Variants in METTL8 observed in about 807,000 individuals in gnomAD.
METTL8 encodes tRNA N(3)-cytidine methyltransferase METTL8, mitochondrial.
In METTL8, 32 loss-of-function variants were observed where a neutral mutation model predicts 48.7. The observed-to-expected ratio is 0.66, with a 90% CI of 0.50 to 0.88. The LOEUF is 0.88. Ranked by LOEUF, METTL8 falls within the 40% of genes least tolerant of loss-of-function variation. The pLI is 0.00. For missense variants in METTL8, 464 were observed against 474.4 expected (o/e 0.98, Z 0.20); for synonymous variants, 136 against 157.1 (o/e 0.87, Z 1.01).
At chr2:171,398,961 G>C (rs728651) in intron 1 of METTL8, among the ~76,000 whole-genome samples, 4,785 of 152,258 alleles carry the variant, frequency 0.031, 81 homozygotes, top group East Asian at 0.05. Flanking sequence ...CTGATAAGGT[G>C]TTTCAGTTTT....
intron 1 of METTL8, among the ~76,000 whole-genome samples, chr2:171,392,853 T>C (rs2105566042): frequency 6.6e-6 from 1 of 152,094 alleles, no homozygotes; most frequent in Non-Finnish European, 1.5e-5. Context: ...TCCCAGCACT[T>C]TGGCAGGCCG....
chr2:171,346,211 T>C (rs745868757), intron 3 of METTL8, among the ~76,000 whole-genome samples: 11 of 152,062 alleles, frequency 7.2e-5, no homozygotes, highest in Non-Finnish European at 1.6e-4. Flanking sequence ...AAATTTTTTG[T>C]AGAGATGGGG....
chr2:171,353,920 C>T (rs1684237351), intron 3 of METTL8, among the ~76,000 whole-genome samples: 1 of 152,138 alleles, frequency 6.6e-6, no homozygotes, highest in Non-Finnish European at 1.5e-5. Flanking sequence ...TCCAATTTGC[C>T]AGTCTGTGTC....
chr2:171,338,735 G>A (rs113869235), intron 4 of METTL8, among the ~76,000 whole-genome samples: 1,696 of 151,868 alleles, frequency 0.011, 12 homozygotes, highest in Non-Finnish European at 0.017. Flanking sequence ...CTCCTTGTTA[G>A]CAAATTTTCT....
intron 2 of METTL8, among the ~76,000 whole-genome samples, chr2:171,384,148 C>G (rs1275714869): frequency 6.6e-6 from 1 of 152,204 alleles, no homozygotes; most frequent in Non-Finnish European, 1.5e-5. Flanking sequence ...GTATATGACC[C>G]TCCAAGACAT....
chr2:171,404,622 C>CCATG (rs1690000239), intron 1 of METTL8, among the ~76,000 whole-genome samples: 1 of 151,932 alleles, frequency 6.6e-6, no homozygotes, highest in Admixed American at 6.6e-5. Flanking sequence ...GGTAAATGAA[C>CCATG]CATGGAAAGT....
At chr2:171,360,553 TGAA>T in intron 2 of METTL8, 40 bp from the exon 3 acceptor site, 2 of 1,561,360 alleles carry the variant, frequency 1.3e-6, no homozygotes, top group Non-Finnish European at 1.7e-6. Flanking sequence ...GCTTTATCAT[TGAA>T]GAAGGCAGAA....
At chr2:171,434,071 C>G, upstream of METTL8, 1 of 304,472 alleles carries the variant, frequency 3.3e-6, no homozygotes, top group Non-Finnish European at 6.4e-6. Context: ...ACCGCGCCCC[C>G]AGGGCTCTGC....
chr2:171,356,747 T>TA (rs1360519334), intron 3 of METTL8, among the ~76,000 whole-genome samples: 1 of 152,154 alleles, frequency 6.6e-6, no homozygotes, highest in East Asian at 1.9e-4. Flanking sequence ...ATTCTTTTTT[T>TA]ATGGCAGAAT....
chr2:171,383,851 T>C (rs1387907840), intron 2 of METTL8, among the ~76,000 whole-genome samples: 1 of 152,222 alleles, frequency 6.6e-6, no homozygotes, highest in Non-Finnish European at 1.5e-5. Context: ...TGTAAAATGG[T>C]TCAGTCACTG....
At chr2:171,347,341 C>T (rs906922216) in intron 3 of METTL8, among the ~76,000 whole-genome samples, 11 of 152,142 alleles carry the variant, frequency 7.2e-5, no homozygotes, top group African/African-American at 1.7e-4. Flanking sequence ...ACACTACGTA[C>T]GGTTCTATGG....
intron 3 of METTL8, among the ~76,000 whole-genome samples, chr2:171,359,034 A>C (rs1165489757): frequency 6.6e-6 from 1 of 152,060 alleles, no homozygotes; most frequent in African/African-American, 2.4e-5. Context: ...CACTCCTGTA[A>C]TACCAGCACT....
At chr2:171,404,393 T>C (rs1162793073) in intron 1 of METTL8, among the ~76,000 whole-genome samples, 1 of 151,916 alleles carries the variant, frequency 6.6e-6, no homozygotes, top group Non-Finnish European at 1.5e-5. Flanking sequence ...GCCATGACGG[T>C]GTCAATGGCT....
At chr2:171,324,622 C>T (rs896062998) in intron 9 of METTL8, among the ~76,000 whole-genome samples, 2 of 152,180 alleles carry the variant, frequency 1.3e-5, no homozygotes, top group African/African-American at 4.8e-5. Context: ...TTGGTTGCAG[C>T]TTTCAATATT....
chr2:171,317,300 T>C lies in METTL8; in HGVS notation c.*6872A>G, dbSNP rs1477925681. The C allele has an allele frequency of 1.3e-5, 2 of 152,200 alleles. No homozygotes were observed. Among genetic ancestry groups the C allele is most frequent in the Non-Finnish European group, 2.9e-5 (2 of 68,040 alleles). 9.4% of individuals were successfully genotyped at this position (152,200 alleles called of 1,614,324 possible). A position where few individuals can be genotyped will look rare whatever the true frequency, so the allele number is the denominator to read the frequency against. ...GTTTTCTGCAATGAACTAGGAGCAA[T>C]GGATTGAAAATATTTGGCCAAATAA... is the stretch of plus-strand genomic sequence containing the variant. On this transcript the variant is annotated 3_prime_UTR_variant, in exon 10 of 10. Coordinates refer to ENST00000375258, the MANE Select transcript of METTL8 (RefSeq NM_001321154.2).
chr2:171,408,945 C>A (rs919579175), intron 1 of METTL8, among the ~76,000 whole-genome samples: 2 of 152,222 alleles, frequency 1.3e-5, no homozygotes, highest in Admixed American at 6.5e-5. Flanking sequence ...CATTAGTCTG[C>A]CTCTCCTCAC....
rs1684404289 is a variant in METTL8, at chr2:171,319,173, C to T, written c.*4999G>A. The T allele has an allele frequency of 6.6e-6, 1 of 152,158 alleles. No individual in the cohort carries two copies. The highest frequency in any genetic ancestry group is 2.1e-4 in the South Asian group (1 of 4,828). 9.4% of individuals were successfully genotyped at this position (152,158 alleles called of 1,614,324 possible). On this transcript the variant is annotated 3_prime_UTR_variant, in exon 10 of 10. Coordinates refer to ENST00000375258, the MANE Select transcript of METTL8 (RefSeq NM_001321154.2). ...TGAAAAAGTCACTGTTGCTGGAATA[C>T]TGTGTGTACTGCCTTGTAGATTAAT...
intron 2 of METTL8, among the ~76,000 whole-genome samples, chr2:171,390,986 A>C (rs904797983): frequency 6.6e-6 from 1 of 152,190 alleles, no homozygotes; most frequent in African/African-American, 2.4e-5. Context: ...CTGTAGGTAA[A>C]ATGCTATCAA....
intron 1 of METTL8, among the ~76,000 whole-genome samples, chr2:171,420,840 T>A (rs1334400002): frequency 6.6e-6 from 1 of 152,220 alleles, no homozygotes; most frequent in Non-Finnish European, 1.5e-5. Context: ...AAATTCAACA[T>A]TCGCTCATGA....
Sources: allele counts gnomAD v4.1 joint callset (sites outside exome capture counted in the v4.1 genomes callset), GRCh38; gene constraint gnomAD v4.1.1; transcripts MANE v1.5; gene names NCBI Gene and HGNC (gene_info 2026-07-23, HGNC 2026-07-21).